Variants in SETD2 observed in about 807,000 individuals in gnomAD.
The protein encoded by SETD2 is SET domain containing 2, histone lysine methyltransferase.
SETD2 carries 31 observed loss-of-function variants against 242.1 expected under a neutral mutation model. The ratio of observed to expected loss-of-function variants is 0.13; its 90% CI spans 0.10 to 0.17. SETD2 has a LOEUF of 0.17. Ranked by LOEUF, SETD2 falls within the 10% of genes least tolerant of loss-of-function variation. The pLI is 1.00. For synonymous variants in SETD2, 1,006 were observed against 1,066.5 expected, an observed-to-expected ratio of 0.94 and a Z score of 1.11; for missense variants, 2,481 against 3,046.3, an observed-to-expected ratio of 0.81 and a Z score of 4.37.
intron 12 of SETD2, among the ~76,000 whole-genome samples, chr3:47,074,940 C>T (rs1426455757): frequency 6.6e-6 from 1 of 152,010 alleles, no homozygotes; most frequent in Non-Finnish European, 1.5e-5. Flanking sequence ...TTGAGACCAT[C>T]CTGGCTAACA....
intron 1 of SETD2, among the ~76,000 whole-genome samples, chr3:47,152,279 C>T (rs2044003512): frequency 6.6e-6 from 1 of 152,134 alleles, no homozygotes; most frequent in South Asian, 2.1e-4. Context: ...ACATTTTCAG[C>T]ACAGAACCAG....
chr3:47,019,885 A>C lies in SETD2; in HGVS notation c.7351-45T>G, dbSNP rs371414621. 423 of 1,498,472 alleles carry C rather than the reference A, an allele frequency of 2.8e-4. 2 individuals are homozygous for C. Among genetic ancestry groups the C allele is most frequent in the African/African-American group, 1.4e-4 (10 of 72,764 alleles). The allele number at this position is 1,498,472 out of a possible 1,614,324, so 92.8% of individuals were successfully genotyped here. ...CACAGTGGTGCTGGCATGAGAAGTC[A>C]GTTTAGTGATGCCCTACTGTCCCAG... On this transcript the variant is annotated intron_variant, in intron 18 of 20. Transcript: ENST00000409792.
chr3:47,138,034 C>G (rs1357712791), intron 1 of SETD2, among the ~76,000 whole-genome samples: 2 of 151,622 alleles, frequency 1.3e-5, no homozygotes, highest in Non-Finnish European at 1.5e-5. Flanking sequence ...TGCAGTGGCG[C>G]GATCTCGGCT....
At chr3:47,022,323 G>A (rs745348732) in intron 18 of SETD2, among the ~76,000 whole-genome samples, 6 of 151,484 alleles carry the variant, frequency 4.0e-5, no homozygotes, top group Admixed American at 2.0e-4. Context: ...CCAGGAATTC[G>A]AGACCAGCAT....
chr3:47,025,104 C>A (rs1012820445), intron 18 of SETD2, among the ~76,000 whole-genome samples: 2 of 152,162 alleles, frequency 1.3e-5, no homozygotes, highest in Non-Finnish European at 2.9e-5. Context: ...TGACTCAAAC[C>A]CAGATTTGCC....
In SETD2 at chr3:47,122,543, G is replaced by A. The variant is rs760367394; in HGVS notation, c.2093C>T (p.Ser698Phe). 6 of 1,614,100 alleles carry A rather than the reference G, an allele frequency of 3.7e-6. No homozygotes were observed. The East Asian group carries it at 8.9e-5, about 24-fold the overall frequency. ...TSKTDAVLMT[S>F]DDSVTGSELS... ...TTCCGATCCAGTCACACTATCATCA[G>A]AAGTCATTAAAACAGCATCAGTTTT... The change falls in exon 3 of 21, where the codon TCT becomes TTT. Residue 698 changes from serine to phenylalanine, a missense_variant. Physicochemically the swap from Ser to Phe is radical, Grantham distance 155 (BLOSUM62 -2). Transcript: ENST00000409792.
intron 1 of SETD2, among the ~76,000 whole-genome samples, chr3:47,153,612 G>A (rs1575851999): frequency 6.6e-6 from 1 of 152,248 alleles, no homozygotes; most frequent in South Asian, 2.1e-4. Flanking sequence ...AATTAGCTAG[G>A]TGTGGTGGCG....
chr3:47,125,790 T>C (rs1327026471), intron 2 of SETD2, among the ~76,000 whole-genome samples: 1 of 152,154 alleles, frequency 6.6e-6, no homozygotes, highest in African/African-American at 2.4e-5. Context: ...ATAACGTAGG[T>C]TGTACAAAGA....
At chr3:47,147,386 G>C (rs1165908276) in intron 1 of SETD2, among the ~76,000 whole-genome samples, 1 of 144,940 alleles carries the variant, frequency 6.9e-6, no homozygotes, top group Admixed American at 7.0e-5. Context: ...GCAGTGACGT[G>C]ATCTTGGCTC....
chr3:47,129,737 T>A (rs929119358), intron 1 of SETD2, among the ~76,000 whole-genome samples: 1 of 151,956 alleles, frequency 6.6e-6, no homozygotes, highest in Non-Finnish European at 1.5e-5. Context: ...ATACAAAAAT[T>A]AGCCAGGCAT....
At chr3:47,104,616 A>G (rs1487371813) in intron 6 of SETD2, among the ~76,000 whole-genome samples, 1 of 152,234 alleles carries the variant, frequency 6.6e-6, no homozygotes, top group African/African-American at 2.4e-5. Context: ...GTTACAGTTA[A>G]GTCCTCACTT....
intron 12 of SETD2, among the ~76,000 whole-genome samples, chr3:47,077,564 G>A (rs1209753402): frequency 1.3e-5 from 2 of 152,186 alleles, no homozygotes; most frequent in Non-Finnish European, 2.9e-5. Context: ...TAATAGAGTG[G>A]TGAAGTACAT....
chr3:47,095,346 G>C (rs1054335767), intron 9 of SETD2, among the ~76,000 whole-genome samples: 6 of 152,074 alleles, frequency 3.9e-5, no homozygotes, highest in Non-Finnish European at 4.4e-5. Context: ...ATGTTGGCCA[G>C]GCTGGTCTTG....
intron 9 of SETD2, 31 bp downstream of exon 9, chr3:47,097,924 T>A: frequency 6.2e-7 from 1 of 1,608,188 alleles, no homozygotes; most frequent in Non-Finnish European, 8.5e-7. Context: ...AATTTTTTAT[T>A]GTGAAAGTTG....
At chr3:47,088,826 C>T (rs1462832862) in intron 9 of SETD2, among the ~76,000 whole-genome samples, 2 of 152,160 alleles carry the variant, frequency 1.3e-5, no homozygotes, top group East Asian at 3.8e-4. Context: ...AGAAATTCTA[C>T]TTATCAGAAT....
At chr3:47,056,781 A>G in intron 15 of SETD2, 40 bp downstream of exon 15, 1 of 1,535,208 alleles carries the variant, frequency 6.5e-7, no homozygotes, top group South Asian at 1.2e-5. Flanking sequence ...TCCCATGAAC[A>G]GACCATAAAG....
chr3:47,017,556 T>C lies in SETD2; in HGVS notation c.7533+82A>G, dbSNP rs1349744374. The C allele has an allele frequency of 1.8e-5, 19 of 1,063,592 alleles. No individual in the cohort carries two copies. The highest frequency in any genetic ancestry group is 2.3e-5 in the Non-Finnish European group (16 of 702,584). The allele number at this position is 1,063,592 out of a possible 1,614,324, so 65.9% of individuals were successfully genotyped here. A position where few individuals can be genotyped will look rare whatever the true frequency, so the allele number is the denominator to read the frequency against. ...TCTGACAAGAAAAAAAAAAATACTT[T>C]CTATGATGAAAAGGGCTTCTTAGAA... is the stretch of plus-strand genomic sequence containing the variant. On this transcript the variant is annotated intron_variant, in intron 20 of 20. Coordinates refer to ENST00000409792, the MANE Select transcript of SETD2 (RefSeq NM_014159.7). The surrounding 1 kb of genome is among the most constrained non-coding windows in gnomAD (Gnocchi z 4.8).
rs1553693501 is a variant in SETD2, at chr3:47,096,596, A to AAG, written c.5142+1358_5142+1359insCT. ...CAAAAAAAAAAAAAAAAAAAAAAAA[A>AAG]GGGGGGCTGGGCACTGTGGCTCATG... is the stretch of plus-strand genomic sequence containing the variant. On this transcript the variant is annotated intron_variant, in intron 9 of 20. Transcript: ENST00000409792. Among the ~76,000 whole-genome samples the AAG allele has an allele frequency of 5.9e-3, 154 of 26,140 alleles. 1 individual carries two copies. The highest frequency in any genetic ancestry group is 0.016 in the African/African-American group (138 of 8,726). The allele number at this position is 26,140 out of a possible 152,430, so 17.1% of individuals were successfully genotyped here. A position where few individuals can be genotyped will look rare whatever the true frequency, so the allele number is the denominator to read the frequency against.
chr3:47,151,682 C>T (rs1559768471), intron 1 of SETD2, among the ~76,000 whole-genome samples: 1 of 152,038 alleles, frequency 6.6e-6, no homozygotes, highest in African/African-American at 2.4e-5. Flanking sequence ...CAAAAATTAG[C>T]CGGGCGTGGT....
Sources: gnomAD v4.1 joint callset for allele counts (sites outside exome capture counted in the v4.1 genomes callset) on GRCh38, gnomAD v4.1.1 for gene constraint, Gnocchi (gnomAD v3.1) non-coding constraint, MANE v1.5 for transcripts, NCBI Gene and HGNC (gene_info 2026-07-23, HGNC 2026-07-21) for gene names.